Variants in CSMD1 observed in about 807,000 individuals in gnomAD.
The protein encoded by CSMD1 is CUB and sushi domain-containing protein 1.
In CSMD1, 213 loss-of-function variants were observed where a neutral mutation model predicts 417.5. The observed-to-expected ratio is 0.51, with a 90% CI of 0.46 to 0.57. The LOEUF is 0.57. Ranked by LOEUF, CSMD1 falls within the 20% of genes least tolerant of loss-of-function variation. The pLI, the probability that CSMD1 is intolerant of heterozygous loss-of-function variation, is 0.00. For missense variants in CSMD1, 6,923 were observed against 4,529.7 expected (o/e 1.53, Z -15.17); for synonymous variants, 2,862 against 1,736.8 (o/e 1.65, Z -16.11).
chr8:3,557,740 C>G (rs894603745), intron 10 of CSMD1, among the ~76,000 whole-genome samples: 3 of 152,168 alleles, frequency 2.0e-5, no homozygotes, highest in African/African-American at 7.2e-5. Flanking sequence ...ATACTTTCCC[C>G]TTAGTCCCCT....
chr8:2,998,159 G>C lies in CSMD1; in HGVS notation c.8229C>G (p.Asn2743Lys), dbSNP rs1033703113. ...TGCCATTAGTGAATCCGTGGGCAGG[G>C]TTTCCAGGGTGACCACATGTGATGG... Reference protein sequence around the residue: ...CVPITCGHPGNPAHGFTNGSE... With the variant: ...CVPITCGHPGKPAHGFTNGSE... The change falls in exon 54 of 70, where the codon AAC becomes AAG. Residue 2743 changes from asparagine (N) to lysine (K), a missense_variant. Physicochemically the swap from Asn to Lys is moderately conservative, Grantham distance 94 (BLOSUM62 0). Coordinates refer to ENST00000635120, the MANE Select transcript of CSMD1 (RefSeq NM_033225.6). 6.2e-7 allele frequency: 1 copy of C among 1,613,990 alleles called. No homozygotes were observed. Among genetic ancestry groups the C allele is most frequent in the South Asian group, 1.1e-5 (1 of 91,086 alleles).
chr8:3,471,901 C>G (rs1817126403), intron 11 of CSMD1, among the ~76,000 whole-genome samples: 2 of 152,126 alleles, frequency 1.3e-5, no homozygotes, highest in South Asian at 4.1e-4. Context: ...TGTTAATACA[C>G]ACATGGCACT....
intron 12 of CSMD1, among the ~76,000 whole-genome samples, chr8:3,448,426 A>AGGAAGGGAGGGAGGGAG (rs532643101): frequency 5.2e-5 from 5 of 96,092 alleles, no homozygotes; most frequent in African/African-American, 1.3e-4. Context: ...AAGGGAAGGA[A>AGGAAGGGAGGGAGGGAG]GAAGGAGCAA....
chr8:3,158,255 T>C (rs768801046), intron 38 of CSMD1, among the ~76,000 whole-genome samples: 6 of 150,618 alleles, frequency 4.0e-5, no homozygotes, highest in Non-Finnish European at 8.9e-5. Flanking sequence ...TACTTAAGAG[T>C]ACTGAATTGG....
intron 2 of CSMD1, among the ~76,000 whole-genome samples, chr8:4,495,232 G>A (rs935993956): frequency 6.6e-6 from 1 of 152,114 alleles, no homozygotes; most frequent in Non-Finnish European, 1.5e-5. Context: ...TTAATAATGG[G>A]AAACTACCTG....
intron 2 of CSMD1, among the ~76,000 whole-genome samples, chr8:4,587,944 G>C (rs983456133): frequency 2.6e-5 from 4 of 152,196 alleles, no homozygotes; most frequent in East Asian, 3.9e-4. Context: ...GAAGGAGATT[G>C]TGTGTAGACT....
chr8:4,863,777 T>G (rs1428453606), intron 1 of CSMD1, among the ~76,000 whole-genome samples: 1 of 152,108 alleles, frequency 6.6e-6, no homozygotes, highest in Admixed American at 6.6e-5. Flanking sequence ...GATTTGTATA[T>G]TTTCTTTACT....
At chr8:4,631,780 C>G (rs751470279) in intron 2 of CSMD1, among the ~76,000 whole-genome samples, 1 of 152,184 alleles carries the variant, frequency 6.6e-6, no homozygotes, top group Non-Finnish European at 1.5e-5. Context: ...TCTTCATTAT[C>G]AGCATTGCAG....
chr8:3,951,233 A>ACAGG (rs1811574876), intron 5 of CSMD1, among the ~76,000 whole-genome samples: 1 of 152,172 alleles, frequency 6.6e-6, no homozygotes, highest in Admixed American at 6.5e-5. Context: ...ACAGGCGGGC[A>ACAGG]CGGGTCTGAC....
chr8:4,465,103 A>T (rs1286321759), intron 2 of CSMD1, among the ~76,000 whole-genome samples: 1 of 152,160 alleles, frequency 6.6e-6, no homozygotes, highest in Non-Finnish European at 1.5e-5. Flanking sequence ...TCACTGGGAG[A>T]CACTAACAGT....
intron 5 of CSMD1, among the ~76,000 whole-genome samples, chr8:3,974,195 A>T (rs1813265953): frequency 1.3e-5 from 2 of 152,146 alleles, no homozygotes; most frequent in South Asian, 4.1e-4. Context: ...ATTAGCTGAA[A>T]GATCAAAGCC....
At chr8:3,363,809 C>G (rs1004606395) in intron 20 of CSMD1, among the ~76,000 whole-genome samples, 1 of 152,138 alleles carries the variant, frequency 6.6e-6, no homozygotes, top group African/African-American at 2.4e-5. Context: ...GAAGTAGACA[C>G]GTCGTAGCGA....
At chr8:4,127,550 G>C (rs11774235) in intron 3 of CSMD1, among the ~76,000 whole-genome samples, 5 of 150,582 alleles carry the variant, frequency 3.3e-5, no homozygotes, top group African/African-American at 1.2e-4. Flanking sequence ...TTCCTAGTCA[G>C]TTTTCCTTCC....
rs1025892003 is a variant in CSMD1, at chr8:3,753,850, C to G, written c.931+80G>C. On this transcript the variant is annotated intron_variant, in intron 6 of 69. Coordinates refer to ENST00000635120, the MANE Select transcript of CSMD1 (RefSeq NM_033225.6). ...CCATTTTCAAGCTATTTATCCAACTCCTAAAATTTCATGGCTAGAAAGGAT... is the reference window on the plus strand; with the variant it reads ...CCATTTTCAAGCTATTTATCCAACTGCTAAAATTTCATGGCTAGAAAGGAT... 2.5e-5 allele frequency: 23 copies of G among 934,498 alleles called. No individual in the cohort carries two copies. In the Admixed American group the frequency reaches 5.8e-4, roughly 23 times the overall value. 57.9% of individuals were successfully genotyped at this position (934,498 alleles called of 1,614,324 possible).
Position 3,655,571 on chromosome 8 carries a change from A to C in CSMD1, c.1010-38774T>G, listed in dbSNP as rs369176852. On this transcript the variant is annotated intron_variant, in intron 7 of 69. Coordinates refer to ENST00000635120, the MANE Select transcript of CSMD1 (RefSeq NM_033225.6). ...CAACTGTGTAAGGTACCAAGAGAGAACCCCCACTGATGAATGCCCGTCCCA... is the reference window on the plus strand; with the variant it reads ...CAACTGTGTAAGGTACCAAGAGAGACCCCCCACTGATGAATGCCCGTCCCA... 1.2e-3 allele frequency among the ~76,000 whole-genome samples: 185 copies of C among 151,610 alleles called. 3 individuals are homozygous for C. The South Asian group carries it at 0.036, about 29-fold the overall frequency.
chr8:3,236,012 G>A (rs571092968), intron 26 of CSMD1, among the ~76,000 whole-genome samples: 9 of 146,370 alleles, frequency 6.1e-5, no homozygotes, highest in East Asian at 2.0e-4. Context: ...CCGCCTTCCG[G>A]GTTCACGCCA....
At chr8:3,583,843 T>C (rs910874629) in intron 9 of CSMD1, among the ~76,000 whole-genome samples, 2 of 151,854 alleles carry the variant, frequency 1.3e-5, no homozygotes, top group Non-Finnish European at 2.9e-5. Flanking sequence ...AAAGGATACT[T>C]TTCAAGAAAT....
intron 3 of CSMD1, among the ~76,000 whole-genome samples, chr8:4,177,430 AGT>A (rs1287511309): frequency 3.3e-5 from 5 of 152,274 alleles, no homozygotes; most frequent in African/African-American, 1.2e-4. Flanking sequence ...CATTCAAAGC[AGT>A]GTGTAGAGGG....
At chr8:4,637,093 G>A (rs990568799) in intron 2 of CSMD1, among the ~76,000 whole-genome samples, 4 of 152,110 alleles carry the variant, frequency 2.6e-5, no homozygotes, top group Non-Finnish European at 5.9e-5. Flanking sequence ...CCCTTGCTGT[G>A]CTGTGGAAAC....
Sources: gnomAD v4.1 joint callset for allele counts (sites outside exome capture counted in the v4.1 genomes callset) on GRCh38, gnomAD v4.1.1 for gene constraint, MANE v1.5 for transcripts, NCBI Gene and HGNC (gene_info 2026-07-23, HGNC 2026-07-21) for gene names.